USP6NL: variants seen among roughly 807,000 people sequenced by gnomAD.
The protein encoded by USP6NL is USP6 N-terminal-like protein.
Under a neutral mutation model 61.9 loss-of-function variants are expected in USP6NL, and 26 were observed. The ratio of observed to expected loss-of-function variants is 0.42; its 90% CI spans 0.31 to 0.58. The LOEUF (loss-of-function observed/expected upper bound fraction) is 0.58, where lower values mean the gene tolerates loss of function less well. USP6NL is among the 20% of genes least tolerant of loss of function. USP6NL has a pLI of 0.16. For missense variants in USP6NL, 1,114 were observed against 1,034.3 expected (o/e 1.08, Z -1.06); for synonymous variants, 432 against 390.1 (o/e 1.11, Z -1.27).
chr10:11,597,820 T>A lies in USP6NL; in HGVS notation c.-83-103A>T, dbSNP rs973907763. On this transcript the variant is annotated intron_variant, in intron 1 of 14. Transcript: ENST00000609104. This position sits in a 1 kb window ranked among gnomAD's most constrained non-coding sequence, Gnocchi z 4.6. Reference sequence around the variant, plus strand: ...ATTTTGTTTCAAAAATATTCTACTATTTCCAAAAAGAACTCTTGTGATCAC... The same window carrying A: ...ATTTTGTTTCAAAAATATTCTACTAATTCCAAAAAGAACTCTTGTGATCAC... 8 of 566,480 alleles carry A rather than the reference T, an allele frequency of 1.4e-5. No homozygotes were observed. In the African/African-American group the frequency reaches 1.5e-4, roughly 11 times the overall value. 35.1% of individuals were successfully genotyped at this position (566,480 alleles called of 1,614,324 possible).
intron 2 of USP6NL, among the ~76,000 whole-genome samples, chr10:11,581,820 T>C (rs1360442581): frequency 6.6e-6 from 1 of 152,218 alleles, no homozygotes; most frequent in African/African-American, 2.4e-5. Flanking sequence ...TCGCCCAGGC[T>C]GGAGTGTGGT....
intron 2 of USP6NL, among the ~76,000 whole-genome samples, chr10:11,551,706 T>C (rs1429687646): frequency 6.6e-6 from 1 of 152,234 alleles, no homozygotes; most frequent in Non-Finnish European, 1.5e-5. Flanking sequence ...CTTAACTATG[T>C]TTAACGTCTA....
chr10:11,551,200 T>A (rs977296298), intron 2 of USP6NL, among the ~76,000 whole-genome samples: 1 of 152,168 alleles, frequency 6.6e-6, no homozygotes, highest in Non-Finnish European at 1.5e-5. Context: ...AGCCCAAAAC[T>A]AGAAACAACC....
Position 11,481,744 on chromosome 10 carries a change from A to C in USP6NL, c.1078+26T>G. 1 of 1,577,844 alleles carries C rather than the reference A, an allele frequency of 6.3e-7. No homozygotes were observed. Among genetic ancestry groups the C allele is most frequent in the African/African-American group, 1.4e-5 (1 of 73,086 alleles). The stretch of plus-strand genomic sequence containing the variant: ...TCTTCCAATCTTAATTATAACGTAG[A>C]TATAAAGTATTGGGGTAATTCTTAC... On this transcript the variant is annotated intron_variant, in intron 14 of 14. Transcript: ENST00000609104. This position sits in a 1 kb window ranked among gnomAD's most constrained non-coding sequence, Gnocchi z 4.4.
Position 11,510,555 on chromosome 10 carries a change from G to A in USP6NL, c.196-880C>T, listed in dbSNP as rs1834660701. Among the ~76,000 whole-genome samples, 1 of 152,192 alleles carries A rather than the reference G, an allele frequency of 6.6e-6. No individual in the cohort carries two copies. Among genetic ancestry groups the A allele is most frequent in the East Asian group, 1.9e-4 (1 of 5,196 alleles). On this transcript the variant is annotated intron_variant, in intron 5 of 14. Transcript: ENST00000609104. The surrounding 1 kb of genome is among the most constrained non-coding windows in gnomAD (Gnocchi z 4.8). ...TTCAGGGGCAAGGCTGCGGAATGGG[G>A]AAAGTGAGACGGAAAATGCTCGCTC... is the stretch of plus-strand genomic sequence containing the variant.
At chr10:11,505,835 G>T (rs1037640909) in intron 6 of USP6NL, among the ~76,000 whole-genome samples, 1 of 152,150 alleles carries the variant, frequency 6.6e-6, no homozygotes, top group African/African-American at 2.4e-5. Context: ...GCGAGTGTGC[G>T]CCATGAAACA....
At chr10:11,514,549 C>T (rs1237324739) in intron 5 of USP6NL, among the ~76,000 whole-genome samples, 3 of 152,050 alleles carry the variant, frequency 2.0e-5, no homozygotes, top group Admixed American at 2.0e-4. Flanking sequence ...GACTACTTCC[C>T]GTCTGAGTGG....
chr10:11,535,569 A>T (rs1258397229), intron 2 of USP6NL, among the ~76,000 whole-genome samples: 1 of 152,224 alleles, frequency 6.6e-6, no homozygotes. Flanking sequence ...AGTCACCACA[A>T]GAGACCTTTT....
intron 14 of USP6NL, among the ~76,000 whole-genome samples, 158 bp from the exon 15 acceptor site, chr10:11,464,007 C>T (rs1832324838): frequency 6.6e-6 from 1 of 152,212 alleles, no homozygotes; most frequent in Non-Finnish European, 1.5e-5. Flanking sequence ...ACCACTTACA[C>T]ACACTGTTTA....
intron 14 of USP6NL, among the ~76,000 whole-genome samples, chr10:11,471,386 A>C (rs1418343718): frequency 6.6e-6 from 1 of 152,204 alleles, no homozygotes; most frequent in Non-Finnish European, 1.5e-5. Context: ...TGGGGCTGTA[A>C]ACTAGTTCAA....
At position 11,537,045 on chromosome 10, in the gene USP6NL, T is replaced by G. The variant is rs1835860535; in HGVS notation, c.5-9478A>C. Reference sequence around the variant, plus strand: ...CACAAAGTCCTCAGAAATGCCCAGATTTTCTCTTCAGAAGAGCCACACAAG... The same window carrying G: ...CACAAAGTCCTCAGAAATGCCCAGAGTTTCTCTTCAGAAGAGCCACACAAG... On this transcript the variant is annotated intron_variant, in intron 2 of 14. Coordinates refer to ENST00000609104, the MANE Select transcript of USP6NL (RefSeq NM_014688.5). The surrounding 1 kb of genome is among the most constrained non-coding windows in gnomAD (Gnocchi z 5.1). 6.6e-6 allele frequency among the ~76,000 whole-genome samples: 1 copy of G among 152,132 alleles called. No individual in the cohort carries two copies. Among genetic ancestry groups the G allele is most frequent in the Admixed American group, 6.5e-5 (1 of 15,282 alleles).
At chr10:11,603,553 T>G (rs1311920548) in intron 1 of USP6NL, among the ~76,000 whole-genome samples, 3 of 152,174 alleles carry the variant, frequency 2.0e-5, no homozygotes, top group African/African-American at 7.2e-5. Flanking sequence ...ATAAGCACTA[T>G]AGCAGACACC....
In USP6NL at chr10:11,592,564, C is replaced by T. The variant is rs566137976; in HGVS notation, c.4+5067G>A. ...TGAGTCTTAATATAACAAAAGGATACCTGTTATACTTTGTAAGGGGATTTA... is the reference window on the plus strand; with the variant it reads ...TGAGTCTTAATATAACAAAAGGATATCTGTTATACTTTGTAAGGGGATTTA... On this transcript the variant is annotated intron_variant, in intron 2 of 14. Coordinates refer to ENST00000609104, the MANE Select transcript of USP6NL (RefSeq NM_014688.5). This position sits in a 1 kb window ranked among gnomAD's most constrained non-coding sequence, Gnocchi z 4.7. 1.3e-5 allele frequency among the ~76,000 whole-genome samples: 2 copies of T among 152,278 alleles called. No homozygotes were observed. The highest frequency in any genetic ancestry group is 2.4e-5 in the African/African-American group (1 of 41,540).
At position 11,495,731 on chromosome 10, in the gene USP6NL, CTCT is replaced by C. The variant is rs1377681602; in HGVS notation, c.385-2506_385-2504del. 6.6e-6 allele frequency among the ~76,000 whole-genome samples: 1 copy of C among 152,122 alleles called. No individual in the cohort carries two copies. Among genetic ancestry groups the C allele is most frequent in the Non-Finnish European group, 1.5e-5 (1 of 68,016 alleles). ...GATATTAAAAATAGTTTTTTAGATT[CTCT>C]TCTTTACACTATAATCTGTTTCTTA... is the stretch of plus-strand genomic sequence containing the variant. On this transcript the variant is annotated intron_variant, in intron 7 of 14. Coordinates refer to ENST00000609104, the MANE Select transcript of USP6NL (RefSeq NM_014688.5). The surrounding 1 kb of genome is among the most constrained non-coding windows in gnomAD (Gnocchi z 4.6).
rs1161719605 is a variant in USP6NL at position 11,513,182 on chromosome 10, A to G, written c.196-3507T>C. On this transcript the variant is annotated intron_variant, in intron 5 of 14. Coordinates refer to ENST00000609104, the MANE Select transcript of USP6NL (RefSeq NM_014688.5). This position sits in a 1 kb window ranked among gnomAD's most constrained non-coding sequence, Gnocchi z 4.7. ...ACAACTGAACCCTATGAAGGAATTA[A>G]TAACATTCTGTGGTCTCAAGGTGGA... Among the ~76,000 whole-genome samples, 4 of 152,236 alleles carry G rather than the reference A, an allele frequency of 2.6e-5. No individual in the cohort carries two copies. The highest frequency in any genetic ancestry group is 4.4e-5 in the Non-Finnish European group (3 of 68,036).
intron 4 of USP6NL, among the ~76,000 whole-genome samples, chr10:11,521,643 G>A (rs1018572688): frequency 1.3e-5 from 2 of 152,102 alleles, no homozygotes; most frequent in African/African-American, 4.8e-5. Context: ...GCCTCCCAAA[G>A]TGCTGGGATT....
chr10:11,529,169 C>G (rs1457467950), intron 2 of USP6NL, among the ~76,000 whole-genome samples: 2 of 151,362 alleles, frequency 1.3e-5, no homozygotes, highest in African/African-American at 4.9e-5. Flanking sequence ...AATGAAAAAC[C>G]AAGACATAGA....
At chr10:11,541,419 T>C (rs1023424693) in intron 2 of USP6NL, among the ~76,000 whole-genome samples, 8 of 151,318 alleles carry the variant, frequency 5.3e-5, no homozygotes, top group Non-Finnish European at 1.2e-4. Context: ...AACTACGAGG[T>C]AGGTATCATT....
rs1218675712 is a variant in USP6NL, at chr10:11,554,998, G to T, written c.5-27431C>A. Among the ~76,000 whole-genome samples the T allele has an allele frequency of 4.4e-5, 5 of 112,942 alleles. No homozygotes were observed. The Admixed American group carries it at 4.9e-4, about 11-fold the overall frequency. The allele number at this position is 112,942 out of a possible 152,430, so 74.1% of individuals were successfully genotyped here. A position where few individuals can be genotyped will look rare whatever the true frequency, so the allele number is the denominator to read the frequency against. ...TTTTTTTTTTTTTACTAGAGATGGG[G>T]TTTCACCATGTTAGCCAGGATGGTC... On this transcript the variant is annotated intron_variant, in intron 2 of 14. Coordinates refer to ENST00000609104, the MANE Select transcript of USP6NL (RefSeq NM_014688.5).
Sources: gnomAD v4.1 joint callset for allele counts (sites outside exome capture counted in the v4.1 genomes callset) on GRCh38, gnomAD v4.1.1 for gene constraint, Gnocchi (gnomAD v3.1) non-coding constraint, MANE v1.5 for transcripts, NCBI Gene and HGNC (gene_info 2026-07-23, HGNC 2026-07-21) for gene names.